Variants in PLXNA4 observed in about 807,000 individuals in gnomAD.
The protein encoded by PLXNA4 is plexin A4.
PLXNA4 carries 44 observed loss-of-function variants against 191.8 expected under a neutral mutation model. That is an observed-to-expected ratio of 0.23 (90% confidence interval 0.18 to 0.29). The LOEUF is 0.29. Ranked by LOEUF, PLXNA4 falls within the 10% of genes least tolerant of loss-of-function variation. The probability of loss-of-function intolerance (pLI) is 1.00; values close to 1 mark genes in which losing one functional copy is unlikely to be tolerated. For missense variants in PLXNA4, 1,800 were observed against 2,488.8 expected, an observed-to-expected ratio of 0.72 and a Z score of 5.89; for synonymous variants, 1,082 against 1,009.5, an observed-to-expected ratio of 1.07 and a Z score of -1.36.
chr7:132,279,669 G>C (rs1402883499), intron 4 of PLXNA4, among the ~76,000 whole-genome samples: 1 of 151,996 alleles, frequency 6.6e-6, no homozygotes, highest in East Asian at 1.9e-4. Flanking sequence ...TTGAGACTTG[G>C]AAGTCAAGGT....
At chr7:132,498,877 T>A (rs1165017057) in intron 2 of PLXNA4, among the ~76,000 whole-genome samples, 4 of 152,222 alleles carry the variant, frequency 2.6e-5, no homozygotes. Flanking sequence ...TAACTACCTA[T>A]GGAATGATGA....
chr7:132,546,607 TA>T (rs1215493916), intron 1 of PLXNA4, among the ~76,000 whole-genome samples: 3 of 152,194 alleles, frequency 2.0e-5, no homozygotes, highest in African/African-American at 7.2e-5. Context: ...TAAGCTTTTT[TA>T]ATAATACACT....
chr7:132,146,363 G>A, intron 28 of PLXNA4, 147 bp downstream of exon 28: 2 of 1,310,054 alleles, frequency 1.5e-6, no homozygotes, highest in Non-Finnish European at 2.2e-6. Context: ...TCGGTACGGG[G>A]AATGGTCAGC....
chr7:132,440,834 G>A (rs28571290), intron 3 of PLXNA4, among the ~76,000 whole-genome samples: 2,522 of 152,270 alleles, frequency 0.017, 64 homozygotes, highest in African/African-American at 0.057. Context: ...AACCTGCTGG[G>A]ATCTATAAGG....
intron 3 of PLXNA4, among the ~76,000 whole-genome samples, chr7:132,423,847 C>A (rs1439033306): frequency 6.6e-6 from 1 of 152,188 alleles, no homozygotes. Context: ...CATAGCAACA[C>A]ATGGGGATGG....
intron 3 of PLXNA4, among the ~76,000 whole-genome samples, chr7:132,459,145 C>T (rs887212135): frequency 6.6e-6 from 1 of 152,184 alleles, no homozygotes; most frequent in African/African-American, 2.4e-5. Context: ...GCCACCCAGC[C>T]GTGGAGCATT....
At chr7:132,560,090 A>G (rs1189615370) in intron 1 of PLXNA4, among the ~76,000 whole-genome samples, 1 of 152,182 alleles carries the variant, frequency 6.6e-6, no homozygotes, top group Non-Finnish European at 1.5e-5. Context: ...ACCTCCCAGA[A>G]TGTGGGATTA....
intron 1 of PLXNA4, among the ~76,000 whole-genome samples, chr7:132,573,121 T>G (rs1436876443): frequency 6.7e-6 from 1 of 148,798 alleles, no homozygotes. Flanking sequence ...GGAAGGGAGG[T>G]GTCAAGGGAG....
chr7:132,278,161 T>C (rs932238211), intron 4 of PLXNA4, among the ~76,000 whole-genome samples: 2 of 152,250 alleles, frequency 1.3e-5, no homozygotes, highest in African/African-American at 4.8e-5. Flanking sequence ...TACAATCTGT[T>C]CTATGAACAC....
intron 2 of PLXNA4, among the ~76,000 whole-genome samples, chr7:132,621,522 G>A (rs766786514): frequency 1.3e-5 from 2 of 152,062 alleles, no homozygotes; most frequent in Admixed American, 6.5e-5. Context: ...GCCTCCCAAG[G>A]TGCTGGGATT....
chr7:132,198,436 C>T, intron 13 of PLXNA4, 49 bp downstream of exon 13: 1 of 1,592,680 alleles, frequency 6.3e-7, no homozygotes, highest in Non-Finnish European at 8.6e-7. Context: ...CTAATACTAA[C>T]CCGTCTTCCC....
At chr7:132,152,110 C>T (rs1584769209) in intron 25 of PLXNA4, among the ~76,000 whole-genome samples, 1 of 152,332 alleles carries the variant, frequency 6.6e-6, no homozygotes, top group East Asian at 1.9e-4. Flanking sequence ...AGCGCTCTTG[C>T]ACGACTTCCT....
At chr7:132,492,299 A>T (rs1797840251) in intron 2 of PLXNA4, among the ~76,000 whole-genome samples, 1 of 152,136 alleles carries the variant, frequency 6.6e-6, no homozygotes, top group African/African-American at 2.4e-5. Flanking sequence ...AGGGGTCAGG[A>T]TTACTGAATA....
chr7:132,494,080 C>T (rs1221746916), intron 2 of PLXNA4, among the ~76,000 whole-genome samples: 2 of 152,138 alleles, frequency 1.3e-5, no homozygotes, highest in African/African-American at 4.8e-5. Flanking sequence ...TGTTTGTTGT[C>T]ATTAGATGGG....
intron 3 of PLXNA4, among the ~76,000 whole-genome samples, chr7:132,477,576 G>A (rs1326330408): frequency 6.6e-6 from 1 of 152,196 alleles, no homozygotes; most frequent in East Asian, 1.9e-4. Context: ...GCAACATAAT[G>A]TAGTCTAAGC....
intron 3 of PLXNA4, among the ~76,000 whole-genome samples, chr7:132,425,399 C>T (rs985093206): frequency 1.3e-5 from 2 of 152,036 alleles, no homozygotes; most frequent in Non-Finnish European, 2.9e-5. Flanking sequence ...AAGTAAGAGA[C>T]CGATTTTATG....
intron 2 of PLXNA4, among the ~76,000 whole-genome samples, chr7:132,589,319 A>G (rs549583362): frequency 1.3e-5 from 2 of 152,202 alleles, no homozygotes; most frequent in East Asian, 3.8e-4. Flanking sequence ...GATTCTGATC[A>G]TAACACTATA....
At chr7:132,398,496 C>A (rs561334906) in intron 3 of PLXNA4, among the ~76,000 whole-genome samples, 1 of 152,188 alleles carries the variant, frequency 6.6e-6, no homozygotes, top group Non-Finnish European at 1.5e-5. Context: ...CGTCCATGCC[C>A]GGTCTGACGG....
chr7:132,273,752 C>G (rs1205533222), intron 4 of PLXNA4, among the ~76,000 whole-genome samples: 1 of 152,036 alleles, frequency 6.6e-6, no homozygotes, highest in African/African-American at 2.4e-5. Flanking sequence ...AACACCAGCT[C>G]TCATCTATCT....
Sources: allele counts gnomAD v4.1 joint callset (sites outside exome capture counted in the v4.1 genomes callset), GRCh38; gene constraint gnomAD v4.1.1; transcripts MANE v1.5; gene names NCBI Gene and HGNC (gene_info 2026-07-23, HGNC 2026-07-21).